The following THBS1 variants were observed in gnomAD, a reference collection of about 807,000 sequenced individuals.
THBS1 encodes the protein thrombospondin-1.
THBS1 carries 29 observed loss-of-function variants against 126.1 expected under a neutral mutation model. That is an observed-to-expected ratio of 0.23 (90% CI 0.17 to 0.31). THBS1 has a LOEUF of 0.31. THBS1 is among the 10% of genes least tolerant of loss of function. The pLI is 1.00. For missense variants in THBS1, 1,198 were observed against 1,545.2 expected (o/e 0.78, Z 3.77); for synonymous variants, 496 against 577.8 (o/e 0.86, Z 2.03).
chr15:39,582,052 CTG>C, intron 2 of THBS1, 128 bp downstream of exon 2: 1 of 1,327,308 alleles, frequency 7.5e-7, no homozygotes, highest in South Asian at 1.3e-5. Context: ...CAGCTTCACT[CTG>C]ATCCTGGTAT....
At chr15:39,586,144 G>T (rs1020275395) in intron 7 of THBS1, among the ~76,000 whole-genome samples, 1 of 152,146 alleles carries the variant, frequency 6.6e-6, no homozygotes, top group Non-Finnish European at 1.5e-5. Flanking sequence ...AGTGTAGCAG[G>T]TACAAGTTAT....
chr15:39,592,306 A>G lies in THBS1; in HGVS notation c.2533-262A>G, dbSNP rs959014593. Among the ~76,000 whole-genome samples, 1 of 152,212 alleles carries G rather than the reference A, an allele frequency of 6.6e-6. No homozygotes were observed. Among genetic ancestry groups the G allele is most frequent in the Non-Finnish European group, 1.5e-5 (1 of 68,024 alleles). On this transcript the variant is annotated intron_variant, in intron 16 of 21. Coordinates refer to ENST00000260356, the MANE Select transcript of THBS1 (RefSeq NM_003246.4). The surrounding 1 kb of genome is among the most constrained non-coding windows in gnomAD (Gnocchi z 4.3). ...TAGTAATTAAATATCACTCTATTTG[A>G]CCTTATTTAGAAAGTTTTATATGTA...
chr15:39,583,476 T>G, intron 3 of THBS1, 141 bp from the exon 4 acceptor site: 1 of 605,468 alleles, frequency 1.7e-6, no homozygotes, highest in Non-Finnish European at 2.8e-6. Context: ...CTGTGTTATT[T>G]TGACATAGTG....
rs1200174355 is a variant in THBS1, at chr15:39,584,192, G to GCCCACTT, written c.903+5_903+6insCCCACTT. ...CAGGACAGCATCCGCAAAGTGGTCA[G>GCCCACTT]TGGCCTCTGCACCCAGCCCGTTAGC... On this transcript the variant is annotated splice_donor_region_variant and intron_variant, in intron 5 of 21. Transcript: ENST00000260356. The GCCCACTT allele has an allele frequency of 5.0e-6, 8 of 1,613,910 alleles. No individual in the cohort carries two copies. Among genetic ancestry groups the GCCCACTT allele is most frequent in the Non-Finnish European group, 5.9e-6 (7 of 1,179,936 alleles).
chr15:39,584,650 A>G (rs1890177644), intron 6 of THBS1, among the ~76,000 whole-genome samples: 1 of 152,256 alleles, frequency 6.6e-6, no homozygotes, highest in African/African-American at 2.4e-5. Flanking sequence ...ATCTAAGAGA[A>G]TGAATCTACT....
rs1025474049 is a variant in THBS1, at chr15:39,589,656, CAG to C, written c.1927-148_1927-147del. ...ATAAAGCAAAGTTTGCTTATAGCCTCAGGGAGAATGGGGAGGGACAGAGGTAA... is the reference window on the plus strand; with the variant it reads ...ATAAAGCAAAGTTTGCTTATAGCCTCGGAGAATGGGGAGGGACAGAGGTAA... On this transcript the variant is annotated intron_variant, in intron 12 of 21. Transcript: ENST00000260356. The surrounding 1 kb of genome is among the most constrained non-coding windows in gnomAD (Gnocchi z 4.7). 1 of 952,414 alleles carries C rather than the reference CAG, an allele frequency of 1.0e-6. No individual in the cohort carries two copies. Among genetic ancestry groups the C allele is most frequent in the African/African-American group, 1.7e-5 (1 of 60,202 alleles). 59.0% of individuals were successfully genotyped at this position (952,414 alleles called of 1,614,324 possible).
In THBS1 at chr15:39,584,338, G is replaced by A. The variant is rs777692527; in HGVS notation, c.942G>A (p.Arg314=). Residue 314 remains arginine (R), a synonymous_variant, in exon 6 of 22, where the codon CGG becomes CGA. Coordinates refer to ENST00000260356, the MANE Select transcript of THBS1 (RefSeq NM_003246.4). ...AAGAGTTGGCCAATGAGCTGAGGCG[G>A]CCTCCCCTATGCTATCACAACGGAG... ...ENKELANELR[R]PPLCYHNGVQ... 6.2e-7 allele frequency: 1 copy of A among 1,614,218 alleles called. No individual in the cohort carries two copies. Among genetic ancestry groups the A allele is most frequent in the South Asian group, 1.1e-5 (1 of 91,086 alleles).
At position 39,581,890 on chromosome 15, in the gene THBS1, C is replaced by A; in HGVS notation, c.33C>A (p.Phe11Leu). 3 of 1,614,096 alleles carry A rather than the reference C, an allele frequency of 1.9e-6. No individual in the cohort carries two copies. Among genetic ancestry groups the A allele is most frequent in the Non-Finnish European group, 2.5e-6 (3 of 1,180,016 alleles). Residue 11 changes from phenylalanine to leucine, a missense_variant, in exon 2 of 22, where the codon TTC becomes TTA. Coordinates refer to ENST00000260356, the MANE Select transcript of THBS1 (RefSeq NM_003246.4). MGLAWGLGVL[F>L]LMHVCGTNRI... ...TGGCCTGGGGACTAGGCGTCCTGTT[C>A]CTGATGCATGTGTGTGGCACCAACC...
Position 39,582,478 on chromosome 15 carries a change from G to A in THBS1, c.353G>A (p.Ser118Asn), listed in dbSNP as rs1890130182. Residue 118 changes from serine to asparagine, a missense_variant, in exon 3 of 22, where the codon AGC becomes AAC. Ser to Asn is a conservative substitution (Grantham distance 46). Transcript: ENST00000260356. ...ERKDHSGQVF[S>N]VVSNGKAGTL... ...AAAGACCACTCTGGCCAGGTCTTCA[G>A]CGTGGTGTCCAATGGCAAGGCGGGC... 1 of 1,614,174 alleles carries A rather than the reference G, an allele frequency of 6.2e-7. No homozygotes were observed. The highest frequency in any genetic ancestry group is 8.5e-7 in the Non-Finnish European group (1 of 1,180,004).
At position 39,588,987 on chromosome 15, in the gene THBS1, C is replaced by T. The variant is rs1018249062; in HGVS notation, c.1674C>T (p.Ala558=). The T allele has an allele frequency of 1.1e-5, 17 of 1,614,010 alleles. No individual in the cohort carries two copies. Among genetic ancestry groups the T allele is most frequent in the Non-Finnish European group, 1.4e-5 (16 of 1,180,034 alleles). ...IDGCLSNPCF[A]GVKCTSYPDG... ...GATGCCTGTCCAATCCCTGCTTTGCCGGCGTGAAGTGTACTAGCTACCCTG... is the reference window on the plus strand; with the variant it reads ...GATGCCTGTCCAATCCCTGCTTTGCTGGCGTGAAGTGTACTAGCTACCCTG... Residue 558 remains alanine (A), a synonymous_variant, in exon 11 of 22, where the codon GCC becomes GCT. Coordinates refer to ENST00000260356, the MANE Select transcript of THBS1 (RefSeq NM_003246.4).
chr15:39,584,163 G>T lies in THBS1; in HGVS notation c.879G>T (p.Thr293=), dbSNP rs138472842. The T allele has an allele frequency of 1.9e-6, 3 of 1,614,024 alleles. No homozygotes were observed. The African/African-American group carries it at 4.0e-5, about 22-fold the overall frequency. The change falls in exon 5 of 22, where the codon ACG becomes ACT. Residue 293 remains threonine, a synonymous_variant. Transcript: ENST00000260356. ...ELRGLRTIVT[T]LQDSIRKVTE... is the part of the protein sequence containing the mutation. ...GGGGCCTGCGCACCATTGTGACCACGCTGCAGGACAGCATCCGCAAAGTGG... is the reference window on the plus strand; with the variant it reads ...GGGGCCTGCGCACCATTGTGACCACTCTGCAGGACAGCATCCGCAAAGTGG...
At position 39,592,899 on chromosome 15, in the gene THBS1, A is replaced by T; in HGVS notation, c.2767+97A>T. On this transcript the variant is annotated intron_variant, in intron 17 of 21. Coordinates refer to ENST00000260356, the MANE Select transcript of THBS1 (RefSeq NM_003246.4). This position sits in a 1 kb window ranked among gnomAD's most constrained non-coding sequence, Gnocchi z 4.3. ...AGGCTCAAAGCATTTGACAGGATGA[A>T]GGGACCAAATGCCAACTTAGACAAG... 3 of 1,540,202 alleles carry T rather than the reference A, an allele frequency of 1.9e-6. No homozygotes were observed. The highest frequency in any genetic ancestry group is 2.3e-5 in the East Asian group (1 of 44,132).
rs766853631 is a variant in THBS1 at position 39,588,582 on chromosome 15, G to A, written c.1528G>A (p.Gly510Arg). 2.5e-6 allele frequency: 4 copies of A among 1,607,708 alleles called. No individual in the cohort carries two copies. The Admixed American group carries it at 5.1e-5, about 20-fold the overall frequency. Residue 510 changes from glycine to arginine, a missense_variant, in exon 10 of 22, where the codon GGA (glycine) becomes AGA (arginine). Gly to Arg is a moderately radical substitution (Grantham distance 125). This residue lies in a region of THBS1 where 663 missense variants were observed against 860.1 expected (regional missense o/e 0.77). Transcript: ENST00000260356. The stretch of plus-strand genomic sequence containing the variant: ...GGACATCTGTTCTGTCACCTGTGGA[G>A]GAGGGGTACAGAAACGTAGTCGTCT... ...PWDICSVTCG[G>R]GVQKRSRLCN...
rs1415050600 is a variant in THBS1, at chr15:39,585,547, C to T, written c.1104C>T (p.Cys368=). 1 of 1,613,992 alleles carries T rather than the reference C, an allele frequency of 6.2e-7. No homozygotes were observed. Among genetic ancestry groups the T allele is most frequent in the Non-Finnish European group, 8.5e-7 (1 of 1,180,006 alleles). ...CSNATVPDGE[C]CPRCWPSDSA... is the part of the protein sequence containing the mutation. ...ATGCCACAGTTCCTGATGGAGAATG[C>T]TGTCCTCGCTGTTGGCGTAAGTTTC... Residue 368 remains cysteine (C), a synonymous_variant, in exon 7 of 22, where the codon TGC becomes TGT. Transcript: ENST00000260356.
chr15:39,594,400 A>T lies in THBS1; in HGVS notation c.3465A>T (p.Gln1155His). ...GGRLGLFVFS[Q>H]EMVFFSDLKY... is the part of the protein sequence containing the mutation. ...GACTAGGGTTGTTTGTCTTCTCTCA[A>T]GAAATGGTGTTCTTCTCTGACCTGA... The change falls in exon 21 of 22, where the codon CAA becomes CAT. Residue 1155 changes from glutamine to histidine, a missense_variant. This residue lies in a region of THBS1 where 255 missense variants were observed against 373.9 expected (regional missense o/e 0.68). Coordinates refer to ENST00000260356, the MANE Select transcript of THBS1 (RefSeq NM_003246.4). This position sits in a 1 kb window ranked among gnomAD's most constrained non-coding sequence, Gnocchi z 4.4. 1 of 1,614,270 alleles carries T rather than the reference A, an allele frequency of 6.2e-7. No individual in the cohort carries two copies. Among genetic ancestry groups the T allele is most frequent in the Non-Finnish European group, 8.5e-7 (1 of 1,180,052 alleles).
rs777567092 is a variant in THBS1, at chr15:39,599,380, G to C, written c.*4011G>C. On this transcript the variant is annotated 3_prime_UTR_variant, in exon 22 of 22. Coordinates refer to ENST00000260356, the MANE Select transcript of THBS1 (RefSeq NM_003246.4). Reference sequence around the variant, plus strand: ...TTTCTTCCCCCTTACCTAAATAACAGAAAGGCTCACTATGTCCCAAATATC... The same window carrying C: ...TTTCTTCCCCCTTACCTAAATAACACAAAGGCTCACTATGTCCCAAATATC... The C allele has an allele frequency of 6.6e-6, 1 of 152,020 alleles. No homozygotes were observed. The highest frequency in any genetic ancestry group is 2.4e-5 in the African/African-American group (1 of 41,376). The allele number at this position is 152,020 out of a possible 1,614,324, so 9.4% of individuals were successfully genotyped here. A position where few individuals can be genotyped will look rare whatever the true frequency, so the allele number is the denominator to read the frequency against.
chr15:39,587,709 G>C (rs553128012), intron 8 of THBS1, among the ~76,000 whole-genome samples, 189 bp downstream of exon 8: 1 of 152,198 alleles, frequency 6.6e-6, no homozygotes, highest in African/African-American at 2.4e-5. Flanking sequence ...TTGCAACTTG[G>C]AGATAATAAT....
intron 16 of THBS1, 101 bp downstream of exon 16, chr15:39,591,724 T>A (rs1410317652): frequency 9.0e-7 from 1 of 1,114,614 alleles, no homozygotes; most frequent in Non-Finnish European, 1.4e-6. Context: ...ACACTTTCAT[T>A]ACTGTGGCTC....
Position 39,589,042 on chromosome 15 carries a change from C to G in THBS1, c.1729C>G (p.Pro577Ala), listed in dbSNP as rs1240691407. Reference protein sequence around the residue: ...DGSWKCGACPPGYSGNGIQCT... With the variant: ...DGSWKCGACPAGYSGNGIQCT... ...CAGCTGGAAATGTGGTGCTTGTCCCCCTGGTTACAGTGGAAATGGCATCCA... is the reference window on the plus strand; with the variant it reads ...CAGCTGGAAATGTGGTGCTTGTCCCGCTGGTTACAGTGGAAATGGCATCCA... Residue 577 changes from proline (P) to alanine (A), a missense_variant, in exon 11 of 22, where the codon CCT (proline) becomes GCT (alanine). By Grantham distance (27) the Pro-to-Ala change is conservative (BLOSUM62 -1). This residue lies in a region of THBS1 where 663 missense variants were observed against 860.1 expected (regional missense o/e 0.77). Coordinates refer to ENST00000260356, the MANE Select transcript of THBS1 (RefSeq NM_003246.4). This position sits in a 1 kb window ranked among gnomAD's most constrained non-coding sequence, Gnocchi z 4.7. 1 of 1,614,132 alleles carries G rather than the reference C, an allele frequency of 6.2e-7. No homozygotes were observed. The highest frequency in any genetic ancestry group is 1.7e-5 in the Admixed American group (1 of 60,016).
Sources: gnomAD v4.1 joint callset for allele counts (sites outside exome capture counted in the v4.1 genomes callset) on GRCh38, gnomAD v4.1.1 for gene constraint, gnomAD v4.1.1 regional missense constraint, Gnocchi (gnomAD v3.1) non-coding constraint, MANE v1.5 for transcripts, NCBI Gene and HGNC (gene_info 2026-07-23, HGNC 2026-07-21) for gene names.